Variants in TRAPPC14 observed in about 807,000 individuals in gnomAD.
TRAPPC14 encodes the protein trafficking protein particle complex subunit 14, also known as microtubule associated protein 11.
A neutral mutation model predicts 56.6 loss-of-function variants in TRAPPC14; 24 were observed. The observed-to-expected ratio is 0.42, with a 90% CI of 0.31 to 0.60. The LOEUF (loss-of-function observed/expected upper bound fraction) is 0.60, where lower values mean the gene tolerates loss of function less well. Ranked by LOEUF, TRAPPC14 falls within the 20% of genes least tolerant of loss-of-function variation. The pLI, the probability that TRAPPC14 is intolerant of heterozygous loss-of-function variation, is 0.14. For missense variants in TRAPPC14, 615 were observed against 790.3 expected, an observed-to-expected ratio of 0.78 and a Z score of 2.66; for synonymous variants, 377 against 347.0, an observed-to-expected ratio of 1.09 and a Z score of -0.96.
chr7:100,157,337 T>C (rs1329497593), intron 4 of TRAPPC14, 36 bp downstream of exon 4: 1 of 1,613,250 alleles, frequency 6.2e-7, no homozygotes, highest in Admixed American at 1.7e-5. Context: ...AGTTCCCTTG[T>C]TGCTCCCGGA....
rs756500962 is a variant in TRAPPC14 at position 100,157,650 on chromosome 7, C to T, written c.620G>A (p.Ser207Asn). The change falls in exon 3 of 11, where the codon AGC becomes AAC. Residue 207 changes from serine to asparagine, a missense_variant. By Grantham distance (46) the Ser-to-Asn change is conservative. Transcript: ENST00000316937. ...SPGETFRGEQ[S>N]AFKAQVSTLL... ...CTGCCCACCTTGGGCCTTGAAAGCG[C>T]TCTGCTCGCCCCGGAATGTCTCCCC... The T allele has an allele frequency of 1.2e-6, 2 of 1,614,244 alleles. No individual in the cohort carries two copies. The highest frequency in any genetic ancestry group is 1.7e-6 in the Non-Finnish European group (2 of 1,180,040).
rs1422666493 is a variant in TRAPPC14, at chr7:100,158,401, G to A, written c.99C>T (p.Pro33=). 3 of 1,464,044 alleles carry A rather than the reference G, an allele frequency of 2.0e-6. No individual in the cohort carries two copies. The highest frequency in any genetic ancestry group is 1.5e-5 in the African/African-American group (1 of 67,940). 90.7% of individuals were successfully genotyped at this position (1,464,044 alleles called of 1,614,324 possible). A position where few individuals can be genotyped will look rare whatever the true frequency, so the allele number is the denominator to read the frequency against. ...CCCCCAAGTACAGATGGTTGCGCCG[G>A]GGCAGCGCCCGGTACCGGCCCGGAT... ...AGDPGRYRAL[P]RRNHLYLGET... is the part of the protein sequence containing the mutation. Residue 33 remains proline, a synonymous_variant, in exon 1 of 11, where the codon CCC becomes CCT. Coordinates refer to ENST00000316937, the MANE Select transcript of TRAPPC14 (RefSeq NM_018275.5).
Position 100,155,203 on chromosome 7 carries a change from G to C in TRAPPC14, c.1590-39C>G, listed in dbSNP as rs202148754. 426 of 1,606,774 alleles carry C rather than the reference G, an allele frequency of 2.7e-4. No homozygotes were observed. The African/African-American group carries it at 5.2e-3, about 20-fold the overall frequency. On this transcript the variant is annotated intron_variant, in intron 10 of 10. Transcript: ENST00000316937. ...GAGGCTGTGGGCGCTGGTCAGACCC[G>C]GCACCCTCGCTGCTCCCATCCTCTA...
rs1175654618 is a variant in TRAPPC14 at position 100,155,673 on chromosome 7, C to T, written c.1393G>A (p.Glu465Lys). The change falls in exon 9 of 11, where the codon GAG (glutamate) becomes AAG (lysine). Residue 465 changes from glutamate to lysine, a missense_variant and splice_region_variant. Coordinates refer to ENST00000316937, the MANE Select transcript of TRAPPC14 (RefSeq NM_018275.5). ...AGCCCAGACCCTCCCCAGCCCACCT[C>T]GAAGAGCCCCGTCCTCAGAGCCTGG... ...AFQALRTGLF[E>K]LSQHMKLKLQ... is the part of the protein sequence containing the mutation. 1.3e-6 allele frequency: 2 copies of T among 1,599,082 alleles called. No individual in the cohort carries two copies. Among genetic ancestry groups the T allele is most frequent in the African/African-American group, 1.3e-5 (1 of 74,708 alleles).
At position 100,156,553 on chromosome 7, in the gene TRAPPC14, G is replaced by C; in HGVS notation, c.1077-4C>G. ...GTCCAAGCGGACACTGGGCAGGCTA[G>C]GAGTGGTGAGAGAGGGATGCTGGCT... On this transcript the variant is annotated splice_polypyrimidine_tract_variant and splice_region_variant and intron_variant, in intron 7 of 10. Coordinates refer to ENST00000316937, the MANE Select transcript of TRAPPC14 (RefSeq NM_018275.5). 1 of 1,614,012 alleles carries C rather than the reference G, an allele frequency of 6.2e-7. No individual in the cohort carries two copies. The highest frequency in any genetic ancestry group is 8.5e-7 in the Non-Finnish European group (1 of 1,179,908).
At chr7:100,156,183 ACT>A (rs769430993) in intron 8 of TRAPPC14, 4 of 613,980 alleles carry the variant, frequency 6.5e-6, no homozygotes, top group Non-Finnish European at 1.2e-5. Context: ...CCTGAAAGTC[ACT>A]CTGCCCCACT....
chr7:100,158,061 C>A, intron 1 of TRAPPC14, 28 bp downstream of exon 1: 3 of 1,432,172 alleles, frequency 2.1e-6, no homozygotes, highest in Non-Finnish European at 2.8e-6. Context: ...CCCCTCCGTC[C>A]TGTGCCAGGT....
Position 100,155,457 on chromosome 7 carries a change from TG to T in TRAPPC14, c.1396-3del, listed in dbSNP as rs2116957949. ...CTTCAGTTTCATGTGCTGGCTTAGC[TG>T]GGGGGAGACACAGGTCAGCATGCCA... On this transcript the variant is annotated splice_region_variant and splice_polypyrimidine_tract_variant and intron_variant, in intron 9 of 10. Transcript: ENST00000316937. 9 of 1,521,202 alleles carry T rather than the reference TG, an allele frequency of 5.9e-6. No homozygotes were observed. The highest frequency in any genetic ancestry group is 1.3e-5 in the South Asian group (1 of 78,098). 94.2% of individuals were successfully genotyped at this position (1,521,202 alleles called of 1,614,324 possible). A position where few individuals can be genotyped will look rare whatever the true frequency, so the allele number is the denominator to read the frequency against.
intron 8 of TRAPPC14, 85 bp from the exon 9 acceptor site, chr7:100,155,910 C>G: frequency 6.5e-7 from 1 of 1,542,722 alleles, no homozygotes; most frequent in Non-Finnish European, 9.0e-7. Context: ...ATCTGATTCT[C>G]AAAGCCACTC....
chr7:100,157,018 T>A (rs778660895), intron 5 of TRAPPC14, 26 bp from the exon 6 acceptor site: 1 of 1,613,960 alleles, frequency 6.2e-7, no homozygotes, highest in Non-Finnish European at 8.5e-7. Context: ...GGACAAGGCA[T>A]GGTCTCCCCA....
rs558148477 is a variant in TRAPPC14 at position 100,158,386 on chromosome 7, C to G, written c.114G>C (p.Leu38=). Reference sequence around the variant, plus strand: ...GAAAACGGACAGTCTCCCCCAAGTACAGATGGTTGCGCCGGGGCAGCGCCC... The same window carrying G: ...GAAAACGGACAGTCTCCCCCAAGTAGAGATGGTTGCGCCGGGGCAGCGCCC... ...RYRALPRRNH[L]YLGETVRFLL... The change falls in exon 1 of 11, where the codon CTG becomes CTC. Residue 38 remains leucine (L), a synonymous_variant. Transcript: ENST00000316937. The G allele has an allele frequency of 6.8e-7, 1 of 1,475,200 alleles. No homozygotes were observed. Among genetic ancestry groups the G allele is most frequent in the Non-Finnish European group, 9.0e-7 (1 of 1,114,534 alleles). 91.4% of individuals were successfully genotyped at this position (1,475,200 alleles called of 1,614,324 possible). A position where few individuals can be genotyped will look rare whatever the true frequency, so the allele number is the denominator to read the frequency against.
At chr7:100,155,504 G>A in intron 9 of TRAPPC14, 49 bp from the exon 10 acceptor site, 2 of 1,515,022 alleles carry the variant, frequency 1.3e-6, no homozygotes, top group African/African-American at 1.4e-5. Flanking sequence ...CAGGACCCAG[G>A]CCTCCTTCCA....
chr7:100,156,281 TG>T, intron 8 of TRAPPC14, 104 bp downstream of exon 8: 1 of 1,208,526 alleles, frequency 8.3e-7, no homozygotes, highest in Non-Finnish European at 1.2e-6. Context: ...CCTCCTGTGA[TG>T]GGGCTGGCAC....
rs1798938848 is a variant in TRAPPC14 at position 100,158,645 on chromosome 7, G to A, written c.-146C>T. 1.3e-6 allele frequency: 1 copy of A among 795,598 alleles called. No individual in the cohort carries two copies. The highest frequency in any genetic ancestry group is 1.7e-6 in the Non-Finnish European group (1 of 587,194). The allele number at this position is 795,598 out of a possible 1,614,324, so 49.3% of individuals were successfully genotyped here. A position where few individuals can be genotyped will look rare whatever the true frequency, so the allele number is the denominator to read the frequency against. On this transcript the variant is annotated 5_prime_UTR_variant, in exon 1 of 11. Transcript: ENST00000316937. ...GAGAGACCGGCCCGGTCCCGGCACC[G>A]GGGCAACGAACCCGAACCGAGACCC...
rs1349952614 is a variant in TRAPPC14 at position 100,158,670 on chromosome 7, C to G, written c.-171G>C. 1 of 543,436 alleles carries G rather than the reference C, an allele frequency of 1.8e-6. No homozygotes were observed. The highest frequency in any genetic ancestry group is 4.4e-5 in the Admixed American group (1 of 22,658). The allele number at this position is 543,436 out of a possible 1,614,324, so 33.7% of individuals were successfully genotyped here. A position where few individuals can be genotyped will look rare whatever the true frequency, so the allele number is the denominator to read the frequency against. Reference sequence around the variant, plus strand: ...GGGGCAACGAACCCGAACCGAGACCCGGCAGCGCCGGAACCGGGGTACTGA... The same window carrying G: ...GGGGCAACGAACCCGAACCGAGACCGGGCAGCGCCGGAACCGGGGTACTGA... On this transcript the variant is annotated 5_prime_UTR_variant, in exon 1 of 11. Transcript: ENST00000316937.
Position 100,155,093 on chromosome 7 carries a change from A to G in TRAPPC14, c.1661T>C (p.Leu554Pro). 3 of 1,613,774 alleles carry G rather than the reference A, an allele frequency of 1.9e-6. No individual in the cohort carries two copies. The highest frequency in any genetic ancestry group is 1.7e-6 in the Non-Finnish European group (2 of 1,179,718). The change falls in exon 11 of 11, where the codon CTG (leucine) becomes CCG (proline). Residue 554 changes from leucine to proline, a missense_variant. Transcript: ENST00000316937. ...AGACAACACAGCCTTGTCCGGGGGC[A>G]GGTAGAGGGGGCGGCCAACAGGAGA... ...VASPVGRPLY[L>P]PPDKAVLSLD...
chr7:100,156,150 G>A lies in TRAPPC14; in HGVS notation c.1240+236C>T, dbSNP rs193097179. 164 of 612,696 alleles carry A rather than the reference G, an allele frequency of 2.7e-4. No homozygotes were observed. In the African/African-American group the frequency reaches 2.7e-3, roughly 10 times the overall value. The allele number at this position is 612,696 out of a possible 1,614,324, so 38.0% of individuals were successfully genotyped here. The stretch of plus-strand genomic sequence containing the variant: ...GGAGAGAAGTAGAGTTCACACCAGC[G>A]AGTGCAGCTCCAGTGTCTATGCCCT... On this transcript the variant is annotated intron_variant, in intron 8 of 10. Transcript: ENST00000316937.
intron 4 of TRAPPC14, 59 bp from the exon 5 acceptor site, chr7:100,157,273 C>A: frequency 6.2e-7 from 1 of 1,613,492 alleles, no homozygotes; most frequent in Non-Finnish European, 8.5e-7. Flanking sequence ...CCACCTTTAC[C>A]CAGAAAAAAC....
In TRAPPC14 at chr7:100,155,463, G is replaced by A. The variant is rs370303096; in HGVS notation, c.1396-8C>T. ...TTTCATGTGCTGGCTTAGCTGGGGGGAGACACAGGTCAGCATGCCAGCTCG... is the reference window on the plus strand; with the variant it reads ...TTTCATGTGCTGGCTTAGCTGGGGGAAGACACAGGTCAGCATGCCAGCTCG... On this transcript the variant is annotated splice_polypyrimidine_tract_variant and splice_region_variant and intron_variant, in intron 9 of 10. Transcript: ENST00000316937. 6.6e-6 allele frequency: 10 copies of A among 1,520,198 alleles called. No individual in the cohort carries two copies. Among genetic ancestry groups the A allele is most frequent in the Non-Finnish European group, 8.8e-6 (10 of 1,132,444 alleles). 94.2% of individuals were successfully genotyped at this position (1,520,198 alleles called of 1,614,324 possible). A position where few individuals can be genotyped will look rare whatever the true frequency, so the allele number is the denominator to read the frequency against.
Sources: gnomAD v4.1 joint callset for allele counts on GRCh38, gnomAD v4.1.1 for gene constraint, MANE v1.5 for transcripts, NCBI Gene and HGNC (gene_info 2026-07-23, HGNC 2026-07-21) for gene names.